The following HEATR5A variants were observed in gnomAD, a reference collection of about 807,000 sequenced individuals.
HEATR5A encodes the protein HEAT repeat-containing protein 5A.
A neutral mutation model predicts 218.8 loss-of-function variants in HEATR5A; 178 were observed. The observed-to-expected ratio is 0.81, with a 90% CI of 0.72 to 0.92. HEATR5A has a LOEUF of 0.92. Ranked by LOEUF, HEATR5A falls within the 40% of genes least tolerant of loss-of-function variation. The pLI is 0.00. For missense variants in HEATR5A, 2,420 were observed against 2,418.9 expected (o/e 1.00, Z -0.01); for synonymous variants, 864 against 871.6 (o/e 0.99, Z 0.15).
chr14:31,315,463 A>C (rs532977777), intron 27 of HEATR5A, among the ~76,000 whole-genome samples: 2 of 152,324 alleles, frequency 1.3e-5, no homozygotes, highest in South Asian at 4.1e-4. Context: ...AGTTGATAGA[A>C]GATACAAGGA....
At chr14:31,392,078 T>C (rs376213941) in intron 6 of HEATR5A, among the ~76,000 whole-genome samples, 2 of 152,240 alleles carry the variant, frequency 1.3e-5, no homozygotes, top group Admixed American at 6.5e-5. Context: ...AGTTGTTTTA[T>C]AGAATGGCCC....
intron 13 of HEATR5A, among the ~76,000 whole-genome samples, chr14:31,370,795 A>C (rs545469595): frequency 2.6e-5 from 4 of 152,366 alleles, no homozygotes; most frequent in South Asian, 4.1e-4. Context: ...CATAATGTTG[A>C]ATAACAAAAG....
At chr14:31,351,173 A>G (rs554049818) in intron 16 of HEATR5A, among the ~76,000 whole-genome samples, 12 of 152,234 alleles carry the variant, frequency 7.9e-5, no homozygotes, top group Non-Finnish European at 1.5e-4. Flanking sequence ...CTGGAAAACT[A>G]AAATTTGAGA....
chr14:31,293,625 C>T lies in HEATR5A; in HGVS notation c.5834-13G>A. On this transcript the variant is annotated splice_polypyrimidine_tract_variant and intron_variant, in intron 35 of 35. Transcript: ENST00000543095. ...ACCAGCTGAGCGCCTAGAAAGTAAA[C>T]AAATAATATAAGTTCAGTGACATAA... The T allele has an allele frequency of 6.3e-7, 1 of 1,583,010 alleles. No homozygotes were observed. The highest frequency in any genetic ancestry group is 8.6e-7 in the Non-Finnish European group (1 of 1,168,106).
At chr14:31,374,676 T>C in intron 12 of HEATR5A, 140 bp downstream of exon 12, 1 of 694,964 alleles carries the variant, frequency 1.4e-6, no homozygotes, top group Non-Finnish European at 2.3e-6. Context: ...GGTTATAATT[T>C]TTTTGTTCAG....
At chr14:31,363,993 A>ACAAAACCC (rs1901717380) in intron 14 of HEATR5A, among the ~76,000 whole-genome samples, 196 bp downstream of exon 14, 1 of 152,132 alleles carries the variant, frequency 6.6e-6, no homozygotes, top group African/African-American at 2.4e-5. Context: ...TAAAACAAAA[A>ACAAAACCC]CAAAACCCCG....
rs753248035 is a variant in HEATR5A, at chr14:31,302,537, T to A, written c.5240-18A>T. ...GATGCTTCCTGTAAGATACATTTTT[T>A]AAAAACACACTGGATTTCAACCTAT... On this transcript the variant is annotated intron_variant, in intron 32 of 35. Coordinates refer to ENST00000543095, the MANE Select transcript of HEATR5A (RefSeq NM_015473.4). 11 of 1,480,824 alleles carry A rather than the reference T, an allele frequency of 7.4e-6. No individual in the cohort carries two copies. Among genetic ancestry groups the A allele is most frequent in the South Asian group, 2.4e-5 (2 of 82,666 alleles). The allele number at this position is 1,480,824 out of a possible 1,614,324, so 91.7% of individuals were successfully genotyped here.
intron 10 of HEATR5A, among the ~76,000 whole-genome samples, chr14:31,381,660 C>A (rs56271293): frequency 6.6e-6 from 1 of 151,858 alleles, no homozygotes; most frequent in African/African-American, 2.4e-5. Context: ...GAATTACGTG[C>A]CTGTAGTTTC....
intron 31 of HEATR5A, among the ~76,000 whole-genome samples, chr14:31,306,097 T>C (rs1899546709): frequency 6.6e-6 from 1 of 152,216 alleles, no homozygotes; most frequent in Non-Finnish European, 1.5e-5. Context: ...CTTCCAGGTT[T>C]TGTTAAAATT....
At chr14:31,299,119 T>C (rs1899283563) in intron 33 of HEATR5A, among the ~76,000 whole-genome samples, 1 of 152,224 alleles carries the variant, frequency 6.6e-6, no homozygotes, top group Non-Finnish European at 1.5e-5. Context: ...TAGGTTACAC[T>C]GACAGCTCCC....
At chr14:31,366,771 C>T (rs1306967558) in intron 13 of HEATR5A, among the ~76,000 whole-genome samples, 2 of 152,298 alleles carry the variant, frequency 1.3e-5, no homozygotes, top group East Asian at 3.9e-4. Context: ...TGAAACAAGA[C>T]ATAAGCTGAA....
intron 22 of HEATR5A, among the ~76,000 whole-genome samples, chr14:31,332,708 T>G (rs1464213004): frequency 2.6e-5 from 4 of 151,918 alleles, no homozygotes; most frequent in African/African-American, 9.7e-5. Context: ...TGGACAGAAG[T>G]TCAAATCAGG....
chr14:31,317,127 C>T (rs1043198417), intron 26 of HEATR5A, among the ~76,000 whole-genome samples: 1 of 152,046 alleles, frequency 6.6e-6, no homozygotes, highest in African/African-American at 2.4e-5. Flanking sequence ...GAGATTCATA[C>T]ATTTAATGTA....
At chr14:31,297,578 C>G (rs8017902) in intron 33 of HEATR5A, 1 of 152,222 alleles carries the variant, frequency 6.6e-6, no homozygotes, top group South Asian at 2.1e-4. Flanking sequence ...AATACCTGAG[C>G]TGACTATACT....
At chr14:31,375,111 A>T in intron 11 of HEATR5A, 143 bp from the exon 12 acceptor site, 1 of 687,492 alleles carries the variant, frequency 1.5e-6, no homozygotes, top group Non-Finnish European at 2.4e-6. Flanking sequence ...TCAGGTTCCA[A>T]ATTATTACTG....
intron 17 of HEATR5A, among the ~76,000 whole-genome samples, chr14:31,350,392 T>C (rs1281806709): frequency 6.6e-6 from 1 of 152,218 alleles, no homozygotes; most frequent in Non-Finnish European, 1.5e-5. Flanking sequence ...GGTAGGTTAA[T>C]GCATGGCTCT....
chr14:31,338,368 T>C (rs1900734126), intron 21 of HEATR5A, among the ~76,000 whole-genome samples: 1 of 152,170 alleles, frequency 6.6e-6, no homozygotes, highest in Non-Finnish European at 1.5e-5. Context: ...AAAAATGCTC[T>C]CTAGAGACAA....
intron 12 of HEATR5A, among the ~76,000 whole-genome samples, chr14:31,374,410 C>G (rs1902151251): frequency 6.6e-6 from 1 of 151,786 alleles, no homozygotes; most frequent in South Asian, 2.1e-4. Context: ...AAGCTAGACA[C>G]AGATTTTTGA....
chr14:31,411,011 G>T (rs749653771), intron 1 of HEATR5A, among the ~76,000 whole-genome samples: 43 of 152,256 alleles, frequency 2.8e-4, no homozygotes, highest in Non-Finnish European at 4.7e-4. Context: ...TAATTTGATT[G>T]AGCTGAGTGG....
Sources: gnomAD v4.1 joint callset for allele counts (sites outside exome capture counted in the v4.1 genomes callset) on GRCh38, gnomAD v4.1.1 for gene constraint, MANE v1.5 for transcripts, NCBI Gene and HGNC (gene_info 2026-07-23, HGNC 2026-07-21) for gene names.